The following SOX6 variants were observed in gnomAD, a reference collection of about 807,000 sequenced individuals.
SOX6 encodes the protein SRY-box transcription factor 6.
A neutral mutation model predicts 97.8 loss-of-function variants in SOX6; 11 were observed. The observed-to-expected ratio is 0.11, with a 90% CI of 0.07 to 0.19. SOX6 has a LOEUF of 0.19. Ranked by LOEUF, SOX6 falls within the 10% of genes least tolerant of loss-of-function variation. The pLI, the probability that SOX6 is intolerant of heterozygous loss-of-function variation, is 1.00. For synonymous variants in SOX6, 360 were observed against 371.4 expected (o/e 0.97, Z 0.35); for missense variants, 810 against 1,039.5 (o/e 0.78, Z 3.04).
intron 1 of SOX6, among the ~76,000 whole-genome samples, chr11:16,409,080 C>T (rs1858742522): frequency 6.6e-6 from 1 of 152,094 alleles, no homozygotes; most frequent in African/African-American, 2.4e-5. Context: ...AACACCTTCT[C>T]TGATGATCAA....
At chr11:16,158,435 T>C (rs1372976467) in intron 6 of SOX6, among the ~76,000 whole-genome samples, 1 of 152,046 alleles carries the variant, frequency 6.6e-6, no homozygotes, top group Non-Finnish European at 1.5e-5. Context: ...CATTAATAGA[T>C]TTCTTTTCCC....
At chr11:16,538,029 T>A (rs978740013) in intron 4 of SOX6, among the ~76,000 whole-genome samples, 2 of 152,048 alleles carry the variant, frequency 1.3e-5, no homozygotes, top group African/African-American at 4.8e-5. Flanking sequence ...AATTTTCAGA[T>A]TCACCAAGGT....
upstream of SOX6, among the ~76,000 whole-genome samples, chr11:16,479,846 C>T (rs553129549): frequency 1.1e-3 from 165 of 151,994 alleles, no homozygotes; most frequent in African/African-American, 3.4e-3. Flanking sequence ...GAGATTTCAA[C>T]GCTACTTTCA....
chr11:16,666,144 A>C (rs1198365754), intron 3 of SOX6, among the ~76,000 whole-genome samples: 1 of 152,196 alleles, frequency 6.6e-6, no homozygotes, highest in Non-Finnish European at 1.5e-5. Context: ...CTCAGTGCCC[A>C]GATACCAACA....
intron 4 of SOX6, among the ~76,000 whole-genome samples, chr11:16,598,332 G>A (rs944179933): frequency 1.3e-5 from 2 of 151,908 alleles, no homozygotes; most frequent in African/African-American, 4.8e-5. Flanking sequence ...ATTATTTTGA[G>A]AAAATAAAAA....
intron 4 of SOX6, among the ~76,000 whole-genome samples, chr11:16,586,918 T>C (rs1388740598): frequency 6.6e-6 from 1 of 152,188 alleles, no homozygotes; most frequent in Admixed American, 6.5e-5. Flanking sequence ...CATGATTCTG[T>C]AATAACTGAG....
chr11:16,061,653 C>T (rs1221128215), intron 9 of SOX6, among the ~76,000 whole-genome samples: 1 of 151,484 alleles, frequency 6.6e-6, no homozygotes, highest in Non-Finnish European at 1.5e-5. Context: ...ACACTACAAA[C>T]CTATAGTAAT....
chr11:16,404,113 T>C (rs1410096124), intron 1 of SOX6, among the ~76,000 whole-genome samples: 1 of 151,858 alleles, frequency 6.6e-6, no homozygotes, highest in Non-Finnish European at 1.5e-5. Context: ...GATTTTAGTG[T>C]TGAATTGTGG....
At chr11:16,515,892 G>C (rs1293691450) in intron 4 of SOX6, among the ~76,000 whole-genome samples, 1 of 136,098 alleles carries the variant, frequency 7.3e-6, no homozygotes, top group Non-Finnish European at 1.6e-5. Context: ...GCTCTGTTCT[G>C]TTCCATTGAT....
chr11:16,284,612 A>G (rs1181969379), intron 3 of SOX6, among the ~76,000 whole-genome samples: 1 of 152,132 alleles, frequency 6.6e-6, no homozygotes, highest in East Asian at 1.9e-4. Flanking sequence ...GAATTAAACA[A>G]ACACGGTGCC....
intron 12 of SOX6, among the ~76,000 whole-genome samples, chr11:16,029,316 C>A (rs1255247165): frequency 6.6e-6 from 1 of 152,122 alleles, no homozygotes; most frequent in Admixed American, 6.5e-5. Context: ...GATGTGAGAC[C>A]GAGAGACAGT....
rs183514247 is a variant in SOX6, at chr11:16,194,342, C to A, written c.536-7387G>T. ...TTCTGAATGACTTTTTTCAAAACAG[C>A]AGAATACTGGAATTTCTTTGTTTTC... On this transcript the variant is annotated intron_variant, in intron 4 of 15. Coordinates refer to ENST00000683767, the MANE Select transcript of SOX6 (RefSeq NM_001367873.1). 2.2e-3 allele frequency among the ~76,000 whole-genome samples: 340 copies of A among 152,248 alleles called. 6 individuals are homozygous for A. Among genetic ancestry groups the A allele is most frequent in the Non-Finnish European group, 3.5e-4 (24 of 68,012 alleles).
chr11:16,648,739 T>A (rs1849050407), intron 3 of SOX6, among the ~76,000 whole-genome samples: 1 of 151,672 alleles, frequency 6.6e-6, no homozygotes. Context: ...CCCCAAAAGA[T>A]CCCCAGCAAT....
At chr11:16,464,674 C>A (rs759714089) in intron 1 of SOX6, among the ~76,000 whole-genome samples, 1 of 152,082 alleles carries the variant, frequency 6.6e-6, no homozygotes, top group African/African-American at 2.4e-5. Context: ...GTCATAGTTA[C>A]AATGAATGAG....
At chr11:16,573,739 T>A (rs765745899) in intron 4 of SOX6, among the ~76,000 whole-genome samples, 1 of 152,182 alleles carries the variant, frequency 6.6e-6, no homozygotes, top group Admixed American at 6.5e-5. Context: ...CAGACTTGTG[T>A]AACACTATGA....
chr11:16,045,903 T>C (rs1855814019), intron 12 of SOX6, among the ~76,000 whole-genome samples: 1 of 152,228 alleles, frequency 6.6e-6, no homozygotes, highest in African/African-American at 2.4e-5. Flanking sequence ...ATTTAATTGT[T>C]TATTTCTTCA....
intron 4 of SOX6, among the ~76,000 whole-genome samples, chr11:16,502,566 T>C (rs916826302): frequency 2.0e-5 from 3 of 151,788 alleles, no homozygotes; most frequent in Non-Finnish European, 2.9e-5. Context: ...TTAAATGAAA[T>C]AAAAAATACA....
intron 4 of SOX6, among the ~76,000 whole-genome samples, chr11:16,572,617 T>C (rs1467925263): frequency 1.3e-5 from 2 of 152,204 alleles, no homozygotes; most frequent in African/African-American, 4.8e-5. Flanking sequence ...GCCATCTAAG[T>C]TGTACTCCTG....
At chr11:16,732,248 T>A (rs1480603156) in intron 2 of SOX6, among the ~76,000 whole-genome samples, 4 of 152,106 alleles carry the variant, frequency 2.6e-5, no homozygotes, top group African/African-American at 4.8e-5. Flanking sequence ...CTTCGTTTCA[T>A]ATGGAAACAA....
Sources: allele counts gnomAD v4.1 joint callset (sites outside exome capture counted in the v4.1 genomes callset), GRCh38; gene constraint gnomAD v4.1.1; transcripts MANE v1.5; gene names NCBI Gene and HGNC (gene_info 2026-07-23, HGNC 2026-07-21).